The following NBL1 variants were observed in gnomAD, a reference collection of about 807,000 sequenced individuals.
The protein encoded by NBL1 is neuroblastoma suppressor of tumorigenicity 1.
In NBL1, 9 loss-of-function variants were observed where a neutral mutation model predicts 16.0. The ratio of observed to expected loss-of-function variants is 0.56; its 90% confidence interval spans 0.34 to 0.98. The LOEUF (loss-of-function observed/expected upper bound fraction) is 0.98. Among genes scored for constraint, NBL1 ranks in the 50% least tolerant of loss-of-function variants. NBL1 has a pLI of 0.02. For missense variants in NBL1, 196 were observed against 243.1 expected, an observed-to-expected ratio of 0.81 and a Z score of 1.29; for synonymous variants, 86 against 100.7, an observed-to-expected ratio of 0.85 and a Z score of 0.87.
upstream of NBL1, chr1:19,644,151 C>T (rs193137902): frequency 0.024 from 23,327 of 979,830 alleles, 4,040 homozygotes; most frequent in African/African-American, 0.37. This position sits in a 1 kb window ranked among gnomAD's most constrained non-coding sequence, Gnocchi z 4.6. Context: ...CCCCTGCCGC[C>T]GCGGCGCCCC....
chr1:19,655,478 C>T (rs770832411), intron 3 of NBL1, 43 bp downstream of exon 3: 1 of 1,602,142 alleles, frequency 6.2e-7, no homozygotes, highest in South Asian at 1.1e-5. Flanking sequence ...GGCCCGGAGC[C>T]TGCCCCAGCC....
chr1:19,656,966 G>A lies in NBL1; in HGVS notation c.383G>A (p.Ser128Asn). 6.2e-7 allele frequency: 1 copy of A among 1,611,632 alleles called. No homozygotes were observed. The highest frequency in any genetic ancestry group is 8.5e-7 in the Non-Finnish European group (1 of 1,179,066). ...CSCQACGKEP[S>N]HEGLSVYVQG... ...TGCCAGGCCTGCGGCAAGGAGCCTA[G>A]TCACGAGGGGCTGAGCGTCTATGTG... Residue 128 changes from serine (S) to asparagine (N), a missense_variant, in exon 4 of 4, where the codon AGT (serine) becomes AAT (asparagine). Transcript: ENST00000375136.
rs562920305 is a variant in NBL1 at position 19,657,131 on chromosome 1, GC to G, written c.*9del. On this transcript the variant is annotated 3_prime_UTR_variant, in exon 4 of 4. Coordinates refer to ENST00000375136, the MANE Select transcript of NBL1 (RefSeq NM_005380.8). ...GAGGAAGAGGGGGCTGAGGACTGAG[GC>G]CCCCCCAACTCTTCCTCCCCTCTCA... 24 of 1,370,230 alleles carry G rather than the reference GC, an allele frequency of 1.8e-5. No homozygotes were observed. The highest frequency in any genetic ancestry group is 2.5e-5 in the East Asian group (1 of 39,960). The allele number at this position is 1,370,230 out of a possible 1,614,324, so 84.9% of individuals were successfully genotyped here.
In NBL1 at chr1:19,655,124, A is replaced by T; in HGVS notation, c.94A>T (p.Ser32Cys). The change falls in exon 2 of 4, where the codon AGT (serine) becomes TGT (cysteine). Residue 32 changes from serine to cysteine, a missense_variant. Ser to Cys is a moderately radical substitution (Grantham distance 112). Transcript: ENST00000375136. ...CAAGCTGGCACTGTTCCCAGATAAG[A>T]GTGCCTGGTGCGAAGCCAAGAACAT... ...INKLALFPDKSAWCEAKNITQ... is the reference protein window; with the variant it reads ...INKLALFPDKCAWCEAKNITQ... 6.2e-7 allele frequency: 1 copy of T among 1,612,460 alleles called. No individual in the cohort carries two copies. The highest frequency in any genetic ancestry group is 8.5e-7 in the Non-Finnish European group (1 of 1,179,516).
intron 1 of NBL1, among the ~76,000 whole-genome samples, chr1:19,648,235 T>C (rs1048081793): frequency 2.0e-5 from 3 of 152,234 alleles, no homozygotes; most frequent in Admixed American, 1.3e-4. Flanking sequence ...CTCCTGTGTA[T>C]TTAGGGTGCA....
chr1:19,644,376 C>T lies in NBL1; in HGVS notation c.-90C>T. The T allele has an allele frequency of 5.1e-6, 5 of 978,672 alleles. No individual in the cohort carries two copies. The highest frequency in any genetic ancestry group is 6.0e-6 in the Non-Finnish European group (5 of 827,114). 60.6% of individuals were successfully genotyped at this position (978,672 alleles called of 1,614,324 possible). A position where few individuals can be genotyped will look rare whatever the true frequency, so the allele number is the denominator to read the frequency against. ...CCGCCCCCCGCCCTGCCGGCCGCCTCGCCGAGCCTCCTGGGGCGCCCGGGC... is the reference window on the plus strand; with the variant it reads ...CCGCCCCCCGCCCTGCCGGCCGCCTTGCCGAGCCTCCTGGGGCGCCCGGGC... On this transcript the variant is annotated 5_prime_UTR_variant, in exon 1 of 4. Transcript: ENST00000375136. The surrounding 1 kb of genome is among the most constrained non-coding windows in gnomAD (Gnocchi z 4.6).
chr1:19,649,819 AC>A (rs2095012206), intron 1 of NBL1, among the ~76,000 whole-genome samples: 1 of 151,822 alleles, frequency 6.6e-6, no homozygotes, highest in Admixed American at 6.6e-5. Flanking sequence ...GCACCACCAC[AC>A]CTGGCTAGTT....
upstream of NBL1, chr1:19,644,264 C>G: frequency 1.0e-6 from 1 of 979,046 alleles, no homozygotes; most frequent in Non-Finnish European, 1.2e-6. This position sits in a 1 kb window ranked among gnomAD's most constrained non-coding sequence, Gnocchi z 4.6. Flanking sequence ...GAGGGAGCCA[C>G]CCTGACGTCG....
intron 1 of NBL1, among the ~76,000 whole-genome samples, chr1:19,649,808 T>G (rs975610915): frequency 6.6e-6 from 1 of 152,012 alleles, no homozygotes; most frequent in Admixed American, 6.5e-5. Flanking sequence ...ACCACAGGCA[T>G]GCACCACCAC....
Position 19,657,182 on chromosome 1 carries a change from A to C in NBL1, c.*53A>C, listed in dbSNP as rs2095061418. On this transcript the variant is annotated 3_prime_UTR_variant, in exon 4 of 4. Coordinates refer to ENST00000375136, the MANE Select transcript of NBL1 (RefSeq NM_005380.8). ...ATCCCCCTGTGGAATGTTGGGTCTCACTCTCTGGGGAAGTCAGGGGAGAAG... is the reference window on the plus strand; with the variant it reads ...ATCCCCCTGTGGAATGTTGGGTCTCCCTCTCTGGGGAAGTCAGGGGAGAAG... 5 of 823,906 alleles carry C rather than the reference A, an allele frequency of 6.1e-6. No homozygotes were observed. Among genetic ancestry groups the C allele is most frequent in the Non-Finnish European group, 9.4e-6 (5 of 532,812 alleles). The allele number at this position is 823,906 out of a possible 1,614,324, so 51.0% of individuals were successfully genotyped here.
At position 19,649,313 on chromosome 1, in the gene NBL1, A is replaced by G. The variant is rs150723530; in HGVS notation, c.-20+4867A>G. On this transcript the variant is annotated intron_variant, in intron 1 of 3. Transcript: ENST00000375136. ...TTAATATCCAGTCACACACCACACAATGATGAACCACGTACACAATGGTGC... is the reference window on the plus strand; with the variant it reads ...TTAATATCCAGTCACACACCACACAGTGATGAACCACGTACACAATGGTGC... Among the ~76,000 whole-genome samples the G allele has an allele frequency of 3.0e-3, 452 of 151,952 alleles. 1 individual carries two copies. The highest frequency in any genetic ancestry group is 9.3e-3 in the African/African-American group (386 of 41,440).
intron 3 of NBL1, 100 bp from the exon 4 acceptor site, chr1:19,656,766 C>T (rs954057473): frequency 6.9e-7 from 1 of 1,453,066 alleles, no homozygotes; most frequent in African/African-American, 1.4e-5. Context: ...CAGGTGGGCT[C>T]TGGGATTCTT....
At chr1:19,651,755 G>A (rs2100424078) in intron 1 of NBL1, among the ~76,000 whole-genome samples, 1 of 151,910 alleles carries the variant, frequency 6.6e-6, no homozygotes, top group African/African-American at 2.4e-5. Context: ...GGAGTGCAGG[G>A]ACGCAATCAT....
At chr1:19,655,586 C>T in intron 3 of NBL1, 151 bp downstream of exon 3, 1 of 882,264 alleles carries the variant, frequency 1.1e-6, no homozygotes, top group Admixed American at 2.7e-5. Flanking sequence ...GCTGGGGATA[C>T]AAATGTGGGC....
rs998697373 is a variant in NBL1, at chr1:19,648,306, C to A, written c.-20+3860C>A. On this transcript the variant is annotated intron_variant, in intron 1 of 3. Transcript: ENST00000375136. ...GTGGGCTGGGGGGCCTCAGTGGCAG[C>A]GTTGTTAATCGAAGCCCCTTTCCTG... is the stretch of plus-strand genomic sequence containing the variant. 2.0e-5 allele frequency among the ~76,000 whole-genome samples: 3 copies of A among 152,118 alleles called. No individual in the cohort carries two copies. In the South Asian group the frequency reaches 6.2e-4, roughly 32 times the overall value.
At position 19,644,379 on chromosome 1, in the gene NBL1, C is replaced by G. The variant is rs1320098264; in HGVS notation, c.-87C>G. ...CCCCCCGCCCTGCCGGCCGCCTCGCCGAGCCTCCTGGGGCGCCCGGGCCCG... is the reference window on the plus strand; with the variant it reads ...CCCCCCGCCCTGCCGGCCGCCTCGCGGAGCCTCCTGGGGCGCCCGGGCCCG... On this transcript the variant is annotated 5_prime_UTR_variant, in exon 1 of 4. Coordinates refer to ENST00000375136, the MANE Select transcript of NBL1 (RefSeq NM_005380.8). The surrounding 1 kb of genome is among the most constrained non-coding windows in gnomAD (Gnocchi z 4.6). The G allele has an allele frequency of 2.0e-5, 20 of 978,558 alleles. No homozygotes were observed. The highest frequency in any genetic ancestry group is 2.4e-5 in the Non-Finnish European group (20 of 827,152). The allele number at this position is 978,558 out of a possible 1,614,324, so 60.6% of individuals were successfully genotyped here. A position where few individuals can be genotyped will look rare whatever the true frequency, so the allele number is the denominator to read the frequency against.
At chr1:19,646,112 C>G in intron 1 of NBL1, 1 of 1,493,376 alleles carries the variant, frequency 6.7e-7, no homozygotes, top group African/African-American at 1.4e-5. Flanking sequence ...GCCTGGGTGG[C>G]ACGGGGTCGG....
In NBL1 at chr1:19,657,021, C is replaced by T. The variant is rs376542517; in HGVS notation, c.438C>T (p.Pro146=). The T allele has an allele frequency of 4.6e-4, 723 of 1,570,848 alleles. 3 individuals carry two copies. The highest frequency in any genetic ancestry group is 2.6e-4 in the Admixed American group (14 of 53,268). Residue 146 remains proline (P), a synonymous_variant, in exon 4 of 4, where the codon CCC becomes CCT. Coordinates refer to ENST00000375136, the MANE Select transcript of NBL1 (RefSeq NM_005380.8). ...GCGAGGACGGGCCGGGATCCCAGCC[C>T]GGCACCCACCCTCACCCCCATCCCC... ...VQGEDGPGSQ[P]GTHPHPHPHP...
At chr1:19,648,742 C>T (rs935267555) in intron 1 of NBL1, among the ~76,000 whole-genome samples, 1 of 114,268 alleles carries the variant, frequency 8.8e-6, no homozygotes, top group Non-Finnish European at 1.7e-5. Flanking sequence ...CAGAGGGCCG[C>T]TGAGGAAGTG....
Sources: allele counts gnomAD v4.1 joint callset (sites outside exome capture counted in the v4.1 genomes callset), GRCh38; gene constraint gnomAD v4.1.1; non-coding constraint Gnocchi (gnomAD v3.1); transcripts MANE v1.5; gene names NCBI Gene and HGNC (gene_info 2026-07-23, HGNC 2026-07-21).